GTSF1: variants seen among roughly 807,000 people sequenced by gnomAD.
GTSF1 encodes gametocyte-specific factor 1.
In GTSF1, 11 loss-of-function variants were observed where a neutral mutation model predicts 28.9. The observed-to-expected ratio is 0.38, with a 90% CI of 0.24 to 0.63. GTSF1 has a LOEUF of 0.63. Ranked by LOEUF, GTSF1 falls within the 30% of genes least tolerant of loss-of-function variation. GTSF1 has a pLI of 0.56. For synonymous variants in GTSF1, 69 were observed against 65.6 expected, an observed-to-expected ratio of 1.05 and a Z score of -0.25; for missense variants, 146 against 201.0, an observed-to-expected ratio of 0.73 and a Z score of 1.66.
chr12:54,468,078 T>C (rs1956546616), intron 2 of GTSF1, among the ~76,000 whole-genome samples: 1 of 152,102 alleles, frequency 6.6e-6, no homozygotes, highest in Non-Finnish European at 1.5e-5. Flanking sequence ...TACTATTATA[T>C]ACAATGCTGT....
At position 54,460,475 on chromosome 12, in the gene GTSF1, CA is replaced by C. The variant is rs1956404477; in HGVS notation, c.393-5del. Reference sequence around the variant, plus strand: ...TGTAACTATGTTGCTCGCAGGGCTGCAAAAAGATGAATTTGGCTATGTCGGC... The same window carrying C: ...TGTAACTATGTTGCTCGCAGGGCTGCAAAAGATGAATTTGGCTATGTCGGC... On this transcript the variant is annotated splice_polypyrimidine_tract_variant and splice_region_variant and intron_variant, in intron 6 of 8. Transcript: ENST00000305879. 3 of 1,608,476 alleles carry C rather than the reference CA, an allele frequency of 1.9e-6. No individual in the cohort carries two copies. Among genetic ancestry groups the C allele is most frequent in the South Asian group, 1.1e-5 (1 of 90,862 alleles).
intron 2 of GTSF1, among the ~76,000 whole-genome samples, chr12:54,465,897 C>A (rs1349824523): frequency 3.9e-5 from 6 of 152,032 alleles, no homozygotes; most frequent in African/African-American, 1.5e-4. Context: ...CAAATGAAAC[C>A]AATACTGTTA....
chr12:54,468,473 T>C (rs1018167849), intron 2 of GTSF1, among the ~76,000 whole-genome samples: 2 of 152,186 alleles, frequency 1.3e-5, no homozygotes, highest in Non-Finnish European at 2.9e-5. Context: ...CATTGAAGTG[T>C]CTGTGCATTA....
At position 54,465,146 on chromosome 12, in the gene GTSF1, T is replaced by G; in HGVS notation, c.38A>C (p.Lys13Thr). Reference sequence around the variant, plus strand: ...TTTGTCATAGGGGCATTGCAATAGCTTCTCAGGGTCCAGGGAGTCGGCTGA... The same window carrying G: ...TTTGTCATAGGGGCATTGCAATAGCGTCTCAGGGTCCAGGGAGTCGGCTGA... ...ETYTDSLDPE[K>T]LLQCPYDKNH... is the part of the protein sequence containing the mutation. The change falls in exon 3 of 9, where the codon AAG becomes ACG. Residue 13 changes from lysine to threonine, a missense_variant. By Grantham distance (78) the Lys-to-Thr change is moderately conservative. Coordinates refer to ENST00000305879, the MANE Select transcript of GTSF1 (RefSeq NM_144594.3). 1.2e-6 allele frequency: 2 copies of G among 1,613,440 alleles called. No individual in the cohort carries two copies. Among genetic ancestry groups the G allele is most frequent in the Non-Finnish European group, 1.7e-6 (2 of 1,179,506 alleles).
chr12:54,466,108 T>A (rs1178330902), intron 2 of GTSF1, among the ~76,000 whole-genome samples: 6 of 152,156 alleles, frequency 3.9e-5, no homozygotes, highest in Non-Finnish European at 5.9e-5. Flanking sequence ...AAATGCTATT[T>A]AAAACAACCC....
At chr12:54,457,598 G>A (rs1956354778) in intron 8 of GTSF1, among the ~76,000 whole-genome samples, 1 of 152,114 alleles carries the variant, frequency 6.6e-6, no homozygotes, top group Non-Finnish European at 1.5e-5. Flanking sequence ...TTTTGTTTAA[G>A]ACACGAGGTC....
At chr12:54,466,019 T>C (rs1290260362) in intron 2 of GTSF1, among the ~76,000 whole-genome samples, 2 of 152,168 alleles carry the variant, frequency 1.3e-5, no homozygotes, top group African/African-American at 4.8e-5. Context: ...AGGAACAATG[T>C]GCAAAAACAG....
At chr12:54,457,189 T>C (rs1956345935) in intron 8 of GTSF1, among the ~76,000 whole-genome samples, 1 of 152,242 alleles carries the variant, frequency 6.6e-6, no homozygotes, top group South Asian at 2.1e-4. Flanking sequence ...TAATTATTTT[T>C]CTGATCCCTC....
At chr12:54,471,358 G>T in intron 1 of GTSF1, 81 bp from the exon 2 acceptor site, 1 of 915,522 alleles carries the variant, frequency 1.1e-6, no homozygotes, top group Non-Finnish European at 1.6e-6. Context: ...AGTCACTTCT[G>T]GATTTGAAAC....
intron 3 of GTSF1, among the ~76,000 whole-genome samples, chr12:54,464,500 T>C (rs1376211751): frequency 1.3e-5 from 2 of 152,172 alleles, no homozygotes; most frequent in African/African-American, 4.8e-5. Context: ...TCTAACAACA[T>C]TGTCAAAATG....
chr12:54,469,832 G>C (rs1956572406), intron 2 of GTSF1, among the ~76,000 whole-genome samples: 1 of 150,848 alleles, frequency 6.6e-6, no homozygotes, highest in Non-Finnish European at 1.5e-5. Flanking sequence ...GGGATTACAC[G>C]CATGAGCCAC....
intron 1 of GTSF1, among the ~76,000 whole-genome samples, chr12:54,473,085 T>C (rs934385556): frequency 2.6e-5 from 4 of 152,132 alleles, no homozygotes; most frequent in Non-Finnish European, 2.9e-5. Flanking sequence ...CTGTTTTAAG[T>C]ATCTTCCGCA....
At chr12:54,461,560 T>A (rs573072727) in intron 6 of GTSF1, among the ~76,000 whole-genome samples, 1 of 152,188 alleles carries the variant, frequency 6.6e-6, no homozygotes, top group Non-Finnish European at 1.5e-5. Flanking sequence ...GGGGGATCGC[T>A]TGAGCCCAGG....
intron 1 of GTSF1, among the ~76,000 whole-genome samples, chr12:54,473,072 T>C (rs1241451956): frequency 6.6e-6 from 1 of 152,154 alleles, no homozygotes; most frequent in African/African-American, 2.4e-5. Context: ...CACTTAGCCG[T>C]GTCTGTTTTA....
chr12:54,465,354 C>T (rs1956495007), intron 2 of GTSF1, among the ~76,000 whole-genome samples, 187 bp from the exon 3 acceptor site: 1 of 152,104 alleles, frequency 6.6e-6, no homozygotes, highest in South Asian at 2.1e-4. Context: ...GTAAGTTCAG[C>T]AGAACCAGAA....
chr12:54,467,478 C>G (rs918227150), intron 2 of GTSF1, among the ~76,000 whole-genome samples: 5 of 151,980 alleles, frequency 3.3e-5, no homozygotes, highest in African/African-American at 9.7e-5. Context: ...CCAAGCTCAG[C>G]TAATTTTTGT....
intron 6 of GTSF1, among the ~76,000 whole-genome samples, chr12:54,461,331 C>A (rs1956419715): frequency 6.6e-6 from 1 of 151,910 alleles, no homozygotes. Context: ...GAACTCCTGG[C>A]CTCAGCGATC....
rs1333288019 is a variant in GTSF1, at chr12:54,471,297, G to C, written c.-29-20C>G. The C allele has an allele frequency of 1.3e-6, 2 of 1,554,748 alleles. No individual in the cohort carries two copies. The highest frequency in any genetic ancestry group is 1.7e-6 in the Non-Finnish European group (2 of 1,145,810). On this transcript the variant is annotated intron_variant, in intron 1 of 8. Transcript: ENST00000305879. ...CAAGTGCTGGAAAAAACAAAAGTGT[G>C]ATTCAGGAAATCAGAAATAAAATGT...
intron 8 of GTSF1, among the ~76,000 whole-genome samples, chr12:54,457,368 C>T (rs993630991): frequency 6.6e-6 from 1 of 152,160 alleles, no homozygotes; most frequent in Non-Finnish European, 1.5e-5. Flanking sequence ...ATTGTTTGAT[C>T]GCCAGACACC....
Sources: gnomAD v4.1 joint callset for allele counts (sites outside exome capture counted in the v4.1 genomes callset) on GRCh38, gnomAD v4.1.1 for gene constraint, MANE v1.5 for transcripts, NCBI Gene and HGNC (gene_info 2026-07-23, HGNC 2026-07-21) for gene names.